The following SPATA17 variants were observed in gnomAD, a reference collection of about 807,000 sequenced individuals.
SPATA17 encodes spermatogenesis-associated protein 17.
Under a neutral mutation model 62.2 loss-of-function variants are expected in SPATA17, and 53 were observed. The ratio of observed to expected loss-of-function variants is 0.85; its 90% CI spans 0.68 to 1.07. SPATA17 has a LOEUF of 1.07. Ranked by LOEUF, SPATA17 falls within the 50% of genes least tolerant of loss-of-function variation. The probability of loss-of-function intolerance (pLI) is 0.00; values close to 1 mark genes in which losing one functional copy is unlikely to be tolerated. For synonymous variants in SPATA17, 146 were observed against 146.8 expected (o/e 0.99, Z 0.04); for missense variants, 466 against 425.5 (o/e 1.10, Z -0.84).
intron 9 of SPATA17, chr1:217,850,719 G>A: frequency 1.0e-6 from 1 of 986,034 alleles, no homozygotes; most frequent in Non-Finnish European, 1.5e-6. Context: ...ACCCGACAAA[G>A]CCATTCACCC....
At chr1:217,649,934 C>CTTT (rs771612819) in intron 2 of SPATA17, among the ~76,000 whole-genome samples, 97 of 120,352 alleles carry the variant, frequency 8.1e-4, no homozygotes, top group African/African-American at 1.4e-3. Flanking sequence ...AGGCTTCTCT[C>CTTT]TTTTTTTTTT....
intron 9 of SPATA17, among the ~76,000 whole-genome samples, chr1:217,854,162 G>T (rs1168238379): frequency 6.6e-6 from 1 of 152,154 alleles, no homozygotes; most frequent in Non-Finnish European, 1.5e-5. Flanking sequence ...GTATGTGAGT[G>T]GTTGAAGTAT....
rs1313681449 is a variant in SPATA17, at chr1:217,867,379, A to G, written c.*360A>G. 2 of 152,216 alleles carry G rather than the reference A, an allele frequency of 1.3e-5. No homozygotes were observed. The highest frequency in any genetic ancestry group is 3.9e-4 in the East Asian group (2 of 5,192). 9.4% of individuals were successfully genotyped at this position (152,216 alleles called of 1,614,324 possible). A position where few individuals can be genotyped will look rare whatever the true frequency, so the allele number is the denominator to read the frequency against. On this transcript the variant is annotated 3_prime_UTR_variant, in exon 11 of 11. Transcript: ENST00000366933. ...GGTACCCAAATTAAGGGCGACTAAC[A>G]TGTAAGTAGGATGATGAATGGTTTG... is the stretch of plus-strand genomic sequence containing the variant.
At chr1:217,706,776 A>C (rs1671746369) in intron 5 of SPATA17, among the ~76,000 whole-genome samples, 1 of 152,026 alleles carries the variant, frequency 6.6e-6, no homozygotes, top group Admixed American at 6.6e-5. Flanking sequence ...TTCTTTGAGC[A>C]GTCTTTTGTA....
chr1:217,769,309 T>TA (rs1673382148), intron 6 of SPATA17, among the ~76,000 whole-genome samples: 1 of 152,242 alleles, frequency 6.6e-6, no homozygotes, highest in Non-Finnish European at 1.5e-5. Flanking sequence ...GGGAACCTTC[T>TA]AAAGGTGAAT....
chr1:217,649,513 A>C (rs1670259844), intron 2 of SPATA17, among the ~76,000 whole-genome samples: 2 of 152,074 alleles, frequency 1.3e-5, no homozygotes, highest in African/African-American at 4.8e-5. Flanking sequence ...TATTACAAAC[A>C]CATTTGCTCA....
At chr1:217,852,301 A>T (rs1192130893) in intron 9 of SPATA17, among the ~76,000 whole-genome samples, 1 of 152,220 alleles carries the variant, frequency 6.6e-6, no homozygotes, top group Non-Finnish European at 1.5e-5. Context: ...AATGAAAGAA[A>T]TAGGTAATCA....
chr1:217,671,756 A>G (rs1670836716), intron 4 of SPATA17, among the ~76,000 whole-genome samples: 1 of 152,160 alleles, frequency 6.6e-6, no homozygotes, highest in Non-Finnish European at 1.5e-5. Flanking sequence ...CTTTACCTAG[A>G]GGTTGGAACG....
intron 9 of SPATA17, among the ~76,000 whole-genome samples, chr1:217,814,175 A>G (rs1468525128): frequency 6.6e-6 from 1 of 152,228 alleles, no homozygotes; most frequent in African/African-American, 2.4e-5. Flanking sequence ...CACAATTTGC[A>G]TTTGATTCTA....
At chr1:217,649,021 C>T in intron 2 of SPATA17, 50 bp downstream of exon 2, 2 of 1,277,798 alleles carry the variant, frequency 1.6e-6, no homozygotes, top group Non-Finnish European at 2.2e-6. Flanking sequence ...AAAATATATT[C>T]CTTAGAAAAT....
Position 217,631,439 on chromosome 1 carries a change from A to C in SPATA17, c.61A>C (p.Arg21=), listed in dbSNP as rs201773842. ...SSTVGNQYYF[R]NSVVDPFRKK... Reference sequence around the variant, plus strand: ...GACTGTAGGAAATCAGTACTACTTTAGGAACAGGTAAGTCAGGAAGAGAAG... The same window carrying C: ...GACTGTAGGAAATCAGTACTACTTTCGGAACAGGTAAGTCAGGAAGAGAAG... The change falls in exon 1 of 11, where the codon AGG becomes CGG. Residue 21 remains arginine, a synonymous_variant. Transcript: ENST00000366933. The C allele has an allele frequency of 6.2e-7, 1 of 1,614,180 alleles. No homozygotes were observed. The highest frequency in any genetic ancestry group is 1.7e-5 in the Admixed American group (1 of 60,020).
intron 8 of SPATA17, among the ~76,000 whole-genome samples, chr1:217,789,594 G>A (rs1176119121): frequency 6.6e-6 from 1 of 152,156 alleles, no homozygotes; most frequent in African/African-American, 2.4e-5. Context: ...GAAGCTACAG[G>A]CAAAATCATA....
intron 5 of SPATA17, among the ~76,000 whole-genome samples, chr1:217,734,980 G>A (rs1672480689): frequency 6.6e-6 from 1 of 152,126 alleles, no homozygotes; most frequent in Non-Finnish European, 1.5e-5. Context: ...TGGAGTTCTG[G>A]TTCTACCCCC....
At position 217,868,202 on chromosome 1, in the gene SPATA17, T is replaced by G. The variant is rs548430168; in HGVS notation, c.*1183T>G. 1.8e-4 allele frequency: 27 copies of G among 152,130 alleles called. No individual in the cohort carries two copies. The South Asian group carries it at 2.3e-3, about 13-fold the overall frequency. 9.4% of individuals were successfully genotyped at this position (152,130 alleles called of 1,614,324 possible). On this transcript the variant is annotated 3_prime_UTR_variant, in exon 11 of 11. Coordinates refer to ENST00000366933, the MANE Select transcript of SPATA17 (RefSeq NM_138796.4). ...ATTGGTGGTATAAAAGAATTATTGG[T>G]TTTTTTTAGGTGTCATGGTATTGTT...
chr1:217,792,755 G>A (rs967903317), intron 8 of SPATA17, among the ~76,000 whole-genome samples: 1 of 152,056 alleles, frequency 6.6e-6, no homozygotes, highest in Non-Finnish European at 1.5e-5. Flanking sequence ...TCTCGGGGAG[G>A]GGTGTCCCAT....
chr1:217,644,549 A>G, intron 1 of SPATA17, among the ~76,000 whole-genome samples: 1 of 152,274 alleles, frequency 6.6e-6, no homozygotes, highest in Middle Eastern at 3.4e-3. Flanking sequence ...TTCATAGGTA[A>G]TATACATGGG....
At chr1:217,861,652 C>A (rs1369137283) in intron 9 of SPATA17, among the ~76,000 whole-genome samples, 1 of 152,146 alleles carries the variant, frequency 6.6e-6, no homozygotes, top group Non-Finnish European at 1.5e-5. Flanking sequence ...CTCAGCCCCA[C>A]AGGAAAATGA....
chr1:217,724,241 A>G (rs537497361), intron 5 of SPATA17, among the ~76,000 whole-genome samples: 8 of 152,196 alleles, frequency 5.3e-5, no homozygotes, highest in Admixed American at 1.3e-4. Flanking sequence ...TTATACTGTT[A>G]TCTTCTTTTC....
chr1:217,853,229 A>G (rs1675703678), intron 9 of SPATA17, among the ~76,000 whole-genome samples: 1 of 152,192 alleles, frequency 6.6e-6, no homozygotes, highest in Non-Finnish European at 1.5e-5. Context: ...GAGGATCATG[A>G]GAGTAATGTT....
Sources: gnomAD v4.1 joint callset for allele counts (sites outside exome capture counted in the v4.1 genomes callset) on GRCh38, gnomAD v4.1.1 for gene constraint, MANE v1.5 for transcripts, NCBI Gene and HGNC (gene_info 2026-07-23, HGNC 2026-07-21) for gene names.